RARB: variants seen among roughly 807,000 people sequenced by gnomAD.
The protein encoded by RARB is retinoic acid receptor beta, also known as HBV-activated protein.
Under a neutral mutation model 51.9 loss-of-function variants are expected in RARB, and 17 were observed. The ratio of observed to expected loss-of-function variants is 0.33; its 90% CI spans 0.22 to 0.49. RARB has a LOEUF of 0.49. RARB is among the 20% of genes least tolerant of loss of function. The probability of loss-of-function intolerance (pLI) is 0.99; values close to 1 mark genes in which losing one functional copy is unlikely to be tolerated. For missense variants in RARB, 369 were observed against 550.8 expected, an observed-to-expected ratio of 0.67 and a Z score of 3.30; for synonymous variants, 215 against 195.4, an observed-to-expected ratio of 1.10 and a Z score of -0.84.
intron 2 of RARB, among the ~76,000 whole-genome samples, chr3:24,866,207 C>T (rs1702844870): frequency 6.6e-6 from 1 of 152,062 alleles, no homozygotes; most frequent in African/African-American, 2.4e-5. Context: ...TTATGCTTTC[C>T]ATTTTACCAG....
chr3:24,959,163 A>C (rs569795190), intron 2 of RARB, among the ~76,000 whole-genome samples: 2 of 152,318 alleles, frequency 1.3e-5, no homozygotes, highest in South Asian at 2.1e-4. Flanking sequence ...CTGCCTTTTC[A>C]TGTGAGGCAG....
rs560209370 is a variant in RARB, at chr3:25,200,204, G to A, written c.178+25629G>A. On this transcript the variant is annotated intron_variant, in intron 5 of 11. Transcript: ENST00000383772. Reference sequence around the variant, plus strand: ...CATTTCTCTGATGGCCAGTGATGATGAGCATTGTTTCTTGTGTCTTTTGGC... The same window carrying A: ...CATTTCTCTGATGGCCAGTGATGATAAGCATTGTTTCTTGTGTCTTTTGGC... Among the ~76,000 whole-genome samples, 60 of 152,188 alleles carry A rather than the reference G, an allele frequency of 3.9e-4. 2 individuals are homozygous for A. In the South Asian group the frequency reaches 6.2e-3, roughly 16 times the overall value.
Position 25,442,221 on chromosome 3 carries a change from C to T in RARB, c.157+13333C>T, listed in dbSNP as rs562661352. Among the ~76,000 whole-genome samples the T allele has an allele frequency of 8.6e-5, 13 of 152,040 alleles. No individual in the cohort carries two copies. The East Asian group carries it at 2.3e-3, about 27-fold the overall frequency. On this transcript the variant is annotated intron_variant, in intron 1 of 7. Transcript: ENST00000330688. ...TGCTATCTCGGCTCACTGCAACCTC[C>T]GCCTCCCGTGTTCAAGCCATTCTCC...
At chr3:25,145,021 A>G (rs891797218) in intron 4 of RARB, among the ~76,000 whole-genome samples, 7 of 152,140 alleles carry the variant, frequency 4.6e-5, no homozygotes, top group African/African-American at 1.7e-4. Flanking sequence ...TTGTCTTTGC[A>G]CCTAAGAGGC....
At chr3:24,832,447 G>A (rs140269869) in intron 1 of RARB, among the ~76,000 whole-genome samples, 145 of 151,938 alleles carry the variant, frequency 9.5e-4, no homozygotes, top group Non-Finnish European at 1.9e-3. Context: ...GTGGAGCCTG[G>A]TGACTGTGTA....
At chr3:24,956,010 C>A (rs1385412673) in intron 2 of RARB, among the ~76,000 whole-genome samples, 1 of 152,096 alleles carries the variant, frequency 6.6e-6, no homozygotes, top group Admixed American at 6.5e-5. Context: ...CAGTTGCACT[C>A]AGGCTGTCTT....
chr3:25,124,672 T>C (rs1412890710), intron 3 of RARB, among the ~76,000 whole-genome samples: 2 of 152,254 alleles, frequency 1.3e-5, no homozygotes, highest in African/African-American at 4.8e-5. Flanking sequence ...CTGTTAAGCA[T>C]ATCCGCTGAA....
At chr3:24,872,938 T>A (rs970542166) in intron 2 of RARB, among the ~76,000 whole-genome samples, 1 of 152,210 alleles carries the variant, frequency 6.6e-6, no homozygotes, top group Non-Finnish European at 1.5e-5. Context: ...TTTTCTAACG[T>A]CCTGTATCAG....
intron 5 of RARB, among the ~76,000 whole-genome samples, chr3:25,586,791 G>A (rs955886356): frequency 6.6e-6 from 1 of 152,198 alleles, no homozygotes; most frequent in Non-Finnish European, 1.5e-5. Context: ...GGACTCAGTA[G>A]AGACAAGAGC....
intron 1 of RARB, among the ~76,000 whole-genome samples, chr3:24,847,346 GC>G (rs1702497611): frequency 1.3e-5 from 2 of 152,270 alleles, no homozygotes; most frequent in South Asian, 4.1e-4. Flanking sequence ...GTTTCAAAAT[GC>G]ACTCCTTGGA....
intron 2 of RARB, among the ~76,000 whole-genome samples, chr3:25,056,316 G>T (rs1354422885): frequency 1.3e-5 from 2 of 152,064 alleles, no homozygotes; most frequent in African/African-American, 4.8e-5. Flanking sequence ...AAAGCTTCTG[G>T]AAAGCCACAG....
intron 2 of RARB, among the ~76,000 whole-genome samples, chr3:25,041,938 T>C (rs1163650135): frequency 1.3e-5 from 2 of 152,162 alleles, no homozygotes; most frequent in Non-Finnish European, 2.9e-5. Context: ...TGAATTGATG[T>C]TGCAGTTAAA....
At chr3:25,539,668 G>A (rs61409464) in intron 3 of RARB, among the ~76,000 whole-genome samples, 1 of 146,736 alleles carries the variant, frequency 6.8e-6, no homozygotes, top group Non-Finnish European at 1.5e-5. Context: ...TAAAATAAGA[G>A]AGTCCCATTA....
intron 1 of RARB, among the ~76,000 whole-genome samples, chr3:24,843,253 C>T (rs1415583384): frequency 6.6e-6 from 1 of 152,168 alleles, no homozygotes; most frequent in Non-Finnish European, 1.5e-5. Context: ...AAATCTGGTG[C>T]TTCAAACCAT....
At chr3:24,897,702 T>G (rs1703507210) in intron 2 of RARB, among the ~76,000 whole-genome samples, 1 of 151,930 alleles carries the variant, frequency 6.6e-6, no homozygotes, top group South Asian at 2.1e-4. Flanking sequence ...CAGAGTGCCT[T>G]CTGTCCAGAA....
chr3:25,583,496 T>G (rs2125310222), intron 5 of RARB, among the ~76,000 whole-genome samples: 1 of 152,324 alleles, frequency 6.6e-6, no homozygotes, highest in East Asian at 1.9e-4. Context: ...GACAAGGTAA[T>G]GCTTCCAACT....
intron 5 of RARB, among the ~76,000 whole-genome samples, chr3:25,226,087 G>A (rs9310773): frequency 0.81 from 122,546 of 152,148 alleles, 49,572 homozygotes; most frequent in East Asian, 0.85. Flanking sequence ...TAAAAATTCA[G>A]TGTTACAGGA....
At chr3:25,105,726 T>C (rs997255074) in intron 3 of RARB, among the ~76,000 whole-genome samples, 3 of 152,198 alleles carry the variant, frequency 2.0e-5, no homozygotes, top group Non-Finnish European at 2.9e-5. Flanking sequence ...GCCAGTCTCT[T>C]TTTTCCATAG....
intron 3 of RARB, among the ~76,000 whole-genome samples, chr3:25,092,385 A>G (rs923584697): frequency 1.3e-5 from 2 of 152,036 alleles, no homozygotes; most frequent in Non-Finnish European, 2.9e-5. Flanking sequence ...AAACAAAAAA[A>G]CCTCTTTCCA....
Sources: gnomAD v4.1 joint callset for allele counts (sites outside exome capture counted in the v4.1 genomes callset) on GRCh38, gnomAD v4.1.1 for gene constraint, MANE v1.5 for transcripts, NCBI Gene and HGNC (gene_info 2026-07-23, HGNC 2026-07-21) for gene names.